Variants in MARCO observed in about 807,000 individuals in gnomAD.
MARCO encodes macrophage receptor with collagenous structure.
Under a neutral mutation model 70.0 loss-of-function variants are expected in MARCO, and 72 were observed. That is an observed-to-expected ratio of 1.03 (90% confidence interval 0.85 to 1.25). The LOEUF (loss-of-function observed/expected upper bound fraction) is 1.25, where lower values mean the gene tolerates loss of function less well. Ranked by LOEUF, MARCO falls within the 50% of genes most tolerant of loss-of-function variation. MARCO has a pLI of 0.00. For synonymous variants in MARCO, 273 were observed against 243.1 expected, an observed-to-expected ratio of 1.12 and a Z score of -1.14; for missense variants, 696 against 659.3, an observed-to-expected ratio of 1.06 and a Z score of -0.61.
intron 6 of MARCO, among the ~76,000 whole-genome samples, chr2:118,976,377 T>C (rs1467804685): frequency 9.9e-5 from 15 of 152,128 alleles, no homozygotes; most frequent in Admixed American, 9.8e-4. Context: ...CAGGAAAAGC[T>C]TGTGTAATTC....
intron 12 of MARCO, among the ~76,000 whole-genome samples, chr2:118,986,602 A>G (rs1191190152): frequency 2.8e-3 from 35 of 12,578 alleles, no homozygotes; most frequent in African/African-American, 0.014. Flanking sequence ...AGAAAGAAAG[A>G]AAGAAAGAAA....
intron 8 of MARCO, among the ~76,000 whole-genome samples, chr2:118,980,628 A>G (rs1459935829): frequency 6.6e-6 from 1 of 152,208 alleles, no homozygotes; most frequent in Non-Finnish European, 1.5e-5. Context: ...TTGAGGTGAG[A>G]TATTCCTCTT....
chr2:118,982,207 C>T lies in MARCO; in HGVS notation c.953C>T (p.Pro318Leu), dbSNP rs142540932. 1 of 1,613,364 alleles carries T rather than the reference C, an allele frequency of 6.2e-7. No homozygotes were observed. The highest frequency in any genetic ancestry group is 1.7e-5 in the Admixed American group (1 of 59,992). The change falls in exon 11 of 17, where the codon CCA becomes CTA. Residue 318 changes from proline to leucine, a missense_variant. By Grantham distance (98) the Pro-to-Leu change is moderately conservative (BLOSUM62 -3). This residue lies in a region of MARCO where 605 missense variants were observed against 537.6 expected (regional missense o/e 1.13). Coordinates refer to ENST00000327097, the MANE Select transcript of MARCO (RefSeq NM_006770.4). ...VPGPPGAVGH[P>L]GAKGEPGSAG... ...GGCCCTCCTGGTGCAGTGGGACACC[C>T]AGGTGCCAAGGGTGAGCCTGGCAGT...
intron 8 of MARCO, 67 bp from the exon 9 acceptor site, chr2:118,981,342 C>A: frequency 2.0e-6 from 2 of 994,428 alleles, no homozygotes; most frequent in South Asian, 2.9e-5. Context: ...TGGGAAGTGT[C>A]AGAGGAGGAC....
chr2:118,972,034 T>C (rs1397164881), intron 4 of MARCO, among the ~76,000 whole-genome samples: 1 of 152,218 alleles, frequency 6.6e-6, no homozygotes, highest in African/African-American at 2.4e-5. Flanking sequence ...GCCTGGGGCT[T>C]ACTGGCGGTG....
At chr2:118,993,400 A>G (rs771020621) in intron 16 of MARCO, 100 bp downstream of exon 16, 31 of 1,242,286 alleles carry the variant, frequency 2.5e-5, no homozygotes, top group Non-Finnish European at 3.5e-5. Flanking sequence ...GGTTTTCTTT[A>G]AAAGAAAAAT....
At chr2:118,966,024 G>A (rs1038106675) in intron 1 of MARCO, among the ~76,000 whole-genome samples, 1 of 152,082 alleles carries the variant, frequency 6.6e-6, no homozygotes, top group Non-Finnish European at 1.5e-5. Context: ...AGCACGGGAG[G>A]AGGACACCCT....
intron 12 of MARCO, among the ~76,000 whole-genome samples, chr2:118,986,535 A>G (rs1179574697): frequency 7.8e-6 from 1 of 128,950 alleles, no homozygotes; most frequent in East Asian, 2.2e-4. Context: ...AGAAAGAAAG[A>G]AAGAGAGAGA....
chr2:118,986,301 T>G (rs1398873318), intron 12 of MARCO, among the ~76,000 whole-genome samples: 1 of 151,910 alleles, frequency 6.6e-6, no homozygotes, highest in Non-Finnish European at 1.5e-5. Context: ...GGCATGGTAT[T>G]TAGGAAAGTT....
rs528987344 is a variant in MARCO at position 118,958,432 on chromosome 2, T to C, written c.98-10728T>C. Among the ~76,000 whole-genome samples the C allele has an allele frequency of 1.1e-4, 17 of 150,796 alleles. No homozygotes were observed. In the South Asian group the frequency reaches 3.5e-3, roughly 31 times the overall value. On this transcript the variant is annotated intron_variant, in intron 1 of 16. Transcript: ENST00000327097. ...CAAAAAAAAAAAAAAATACAATACT[T>C]AGGAAGATACCTAACAAAGGAGTCA... is the stretch of plus-strand genomic sequence containing the variant.
intron 6 of MARCO, among the ~76,000 whole-genome samples, chr2:118,975,495 T>C (rs1335788231): frequency 6.6e-6 from 1 of 152,156 alleles, no homozygotes; most frequent in Non-Finnish European, 1.5e-5. Flanking sequence ...TGGGAAGGAA[T>C]TTAATAGAAG....
chr2:118,994,193 A>AAACAACAACAAC (rs139356455), intron 16 of MARCO, among the ~76,000 whole-genome samples, 194 bp from the exon 17 acceptor site: 2 of 151,066 alleles, frequency 1.3e-5, no homozygotes, highest in African/African-American at 4.9e-5. Context: ...GTCATTATAA[A>AAACAACAACAAC]AACAACAACA....
At chr2:118,952,927 A>G (rs1194734304) in intron 1 of MARCO, 1 of 152,220 alleles carries the variant, frequency 6.6e-6, no homozygotes, top group Admixed American at 6.5e-5. Context: ...CAGCAAGGCC[A>G]TCTTTACTTT....
chr2:118,992,503 T>C (rs760819393), intron 15 of MARCO, 27 bp downstream of exon 15: 12 of 1,571,076 alleles, frequency 7.6e-6, no homozygotes, highest in South Asian at 5.6e-5. Context: ...TTATCTTTAA[T>C]GTGTGCTTTA....
intron 13 of MARCO, among the ~76,000 whole-genome samples, chr2:118,991,254 T>G (rs1440076154): frequency 1.3e-4 from 3 of 22,400 alleles, no homozygotes; most frequent in African/African-American, 3.3e-4. Flanking sequence ...TGTTTTATGG[T>G]TTTTTTTTTT....
intron 1 of MARCO, among the ~76,000 whole-genome samples, chr2:118,958,087 G>A (rs1417536779): frequency 6.6e-6 from 1 of 151,846 alleles, no homozygotes; most frequent in Non-Finnish European, 1.5e-5. Flanking sequence ...CTGAGAACGG[G>A]AACAAGATAA....
chr2:118,990,567 C>T (rs116412702), intron 12 of MARCO, 22 bp from the exon 13 acceptor site: 66 of 1,573,628 alleles, frequency 4.2e-5, no homozygotes, highest in South Asian at 2.9e-4. Flanking sequence ...CCTCCCCCCC[C>T]CCTTTTTTGT....
At chr2:118,987,812 G>T (rs1273280438) in intron 12 of MARCO, among the ~76,000 whole-genome samples, 5 of 152,252 alleles carry the variant, frequency 3.3e-5, no homozygotes, top group African/African-American at 1.2e-4. Context: ...GCACCCAGAT[G>T]ATTCTGATGT....
At chr2:118,964,774 A>G (rs573824763) in intron 1 of MARCO, among the ~76,000 whole-genome samples, 5 of 151,880 alleles carry the variant, frequency 3.3e-5, no homozygotes, top group Admixed American at 2.0e-4. Context: ...TGTAATCACA[A>G]CTACTTGGGA....
Sources: gnomAD v4.1 joint callset for allele counts (sites outside exome capture counted in the v4.1 genomes callset) on GRCh38, gnomAD v4.1.1 for gene constraint, gnomAD v4.1.1 regional missense constraint, MANE v1.5 for transcripts, NCBI Gene and HGNC (gene_info 2026-07-23, HGNC 2026-07-21) for gene names.